The following DENND11 variants were observed in gnomAD, a reference collection of about 807,000 sequenced individuals.
The protein encoded by DENND11 is DENN domain-containing protein 11.
A neutral mutation model predicts 49.2 loss-of-function variants in DENND11; 34 were observed. The ratio of observed to expected loss-of-function variants is 0.69; its 90% CI spans 0.53 to 0.92. The LOEUF is 0.92. Ranked by LOEUF, DENND11 falls within the 40% of genes least tolerant of loss-of-function variation. The pLI, the probability that DENND11 is intolerant of heterozygous loss-of-function variation, is 0.00. For missense variants in DENND11, 475 were observed against 581.6 expected (o/e 0.82, Z 1.88); for synonymous variants, 238 against 230.3 (o/e 1.03, Z -0.30).
In DENND11 at chr7:141,667,457, G is replaced by A. The variant is rs189247754; in HGVS notation, c.682-1032C>T. 7.9e-5 allele frequency among the ~76,000 whole-genome samples: 12 copies of A among 152,244 alleles called. No individual in the cohort carries two copies. In the East Asian group the frequency reaches 1.7e-3, roughly 22 times the overall value. On this transcript the variant is annotated intron_variant, in intron 4 of 8. Transcript: ENST00000536163. The stretch of plus-strand genomic sequence containing the variant: ...ACCTACCTCGTAGGGTTACTTTAAG[G>A]ACCGCCTGAGACAAAACATGAAATA...
rs1018576843 is a variant in DENND11 at position 141,659,918 on chromosome 7, C to G, written c.*2738G>C. 5 of 152,216 alleles carry G rather than the reference C, an allele frequency of 3.3e-5. No individual in the cohort carries two copies. The highest frequency in any genetic ancestry group is 1.2e-4 in the African/African-American group (5 of 41,458). 9.4% of individuals were successfully genotyped at this position (152,216 alleles called of 1,614,324 possible). ...GCAGATGGTTTCTCAGAAAATATTT[C>G]AAGACTGGCAGAAAAGCAGGTCCAC... On this transcript the variant is annotated 3_prime_UTR_variant, in exon 9 of 9. Transcript: ENST00000536163.
At chr7:141,695,526 G>A (rs1362954230) in intron 1 of DENND11, among the ~76,000 whole-genome samples, 8 of 152,206 alleles carry the variant, frequency 5.3e-5, no homozygotes, top group Admixed American at 5.2e-4. Context: ...AATGGAAAGT[G>A]ATTTTGCATA....
chr7:141,677,200 C>T (rs916261736), intron 3 of DENND11, among the ~76,000 whole-genome samples: 20 of 151,732 alleles, frequency 1.3e-4, no homozygotes, highest in African/African-American at 4.4e-4. Context: ...CTGAGGTGGG[C>T]GGATCGCTTG....
chr7:141,664,852 G>C (rs945779255), intron 7 of DENND11, 52 bp downstream of exon 7: 5 of 1,557,010 alleles, frequency 3.2e-6, no homozygotes, highest in East Asian at 4.7e-5. Context: ...CCCCATGCTG[G>C]AGCTGCCCTG....
chr7:141,665,411 A>C, intron 5 of DENND11, 93 bp from the exon 6 acceptor site: 1 of 1,508,072 alleles, frequency 6.6e-7, no homozygotes, highest in Non-Finnish European at 9.0e-7. Flanking sequence ...GCTCCAGGCT[A>C]TCTGGTGCTT....
At chr7:141,673,981 A>T (rs1798024857) in intron 4 of DENND11, 86 bp downstream of exon 4, 2 of 1,453,964 alleles carry the variant, frequency 1.4e-6, no homozygotes, top group African/African-American at 2.9e-5. Flanking sequence ...AAAGACATAA[A>T]TTTTTTATTC....
rs1797798854 is a variant in DENND11 at position 141,661,774 on chromosome 7, A to G, written c.*882T>C. 1 of 152,240 alleles carries G rather than the reference A, an allele frequency of 6.6e-6. No homozygotes were observed. The highest frequency in any genetic ancestry group is 2.4e-5 in the African/African-American group (1 of 41,464). The allele number at this position is 152,240 out of a possible 1,614,324, so 9.4% of individuals were successfully genotyped here. On this transcript the variant is annotated 3_prime_UTR_variant, in exon 9 of 9. Transcript: ENST00000536163. ...GCTTCTCCATCCTGCTCGAACTTCA[A>G]TTGCTCTATCCTCCGGTAGTCCAAA...
At chr7:141,695,426 A>G (rs983367467) in intron 1 of DENND11, among the ~76,000 whole-genome samples, 2 of 152,242 alleles carry the variant, frequency 1.3e-5, no homozygotes, top group Admixed American at 1.3e-4. Context: ...CACCACACTA[A>G]TAGGGAATGA....
intron 8 of DENND11, 69 bp from the exon 9 acceptor site, chr7:141,662,920 T>C: frequency 1.7e-6 from 2 of 1,165,180 alleles, no homozygotes; most frequent in Non-Finnish European, 2.4e-6. Flanking sequence ...ATAATCCACA[T>C]ATGGGGAACC....
chr7:141,691,569 A>C (rs1229077780), intron 1 of DENND11, among the ~76,000 whole-genome samples: 1 of 152,220 alleles, frequency 6.6e-6, no homozygotes, highest in Non-Finnish European at 1.5e-5. Flanking sequence ...AGCGAATGAC[A>C]TACTGTTAGT....
chr7:141,664,379 ACTCAAAATCCCTGGGGTCCAG>A, intron 7 of DENND11, 139 bp from the exon 8 acceptor site: 1 of 644,894 alleles, frequency 1.6e-6, no homozygotes, highest in East Asian at 2.8e-5. Context: ...CAGGGTTTGG[ACTCAAAATCCCTGGGGTCCAG>A]GGCCAGTTCT....
In DENND11 at chr7:141,686,606, C is replaced by G; in HGVS notation, c.321G>C (p.Glu107Asp). 1 of 1,613,410 alleles carries G rather than the reference C, an allele frequency of 6.2e-7. No individual in the cohort carries two copies. Among genetic ancestry groups the G allele is most frequent in the Non-Finnish European group, 8.5e-7 (1 of 1,179,562 alleles). The stretch of plus-strand genomic sequence containing the variant: ...GGGACCCACTGGCCATAGACTTGAA[C>G]TCAACACCTTCAAGGTCAATATCTT... Reference protein sequence around the residue: ...LPQDIDLEGVEFKSMASGSHK... With the variant: ...LPQDIDLEGVDFKSMASGSHK... The change falls in exon 2 of 9, where the codon GAG becomes GAC. Residue 107 changes from glutamate (E) to aspartate (D), a missense_variant. Glu to Asp is a conservative substitution (Grantham distance 45, BLOSUM62 2). Coordinates refer to ENST00000536163, the MANE Select transcript of DENND11 (RefSeq NM_001080392.2).
At chr7:141,700,543 G>A (rs1482567763) in intron 1 of DENND11, among the ~76,000 whole-genome samples, 1 of 151,714 alleles carries the variant, frequency 6.6e-6, no homozygotes, top group Non-Finnish European at 1.5e-5. Context: ...ACTACTTCAT[G>A]AAATGTCTAT....
intron 3 of DENND11, among the ~76,000 whole-genome samples, chr7:141,675,850 A>C (rs1798054591): frequency 6.6e-6 from 1 of 152,218 alleles, no homozygotes; most frequent in Admixed American, 6.5e-5. Context: ...GATAGCGCCA[A>C]TTTCAGGGCT....
At chr7:141,665,520 G>A (rs1016602289) in intron 5 of DENND11, among the ~76,000 whole-genome samples, 6 of 152,144 alleles carry the variant, frequency 3.9e-5, no homozygotes, top group African/African-American at 1.4e-4. Context: ...CGTCAACAAC[G>A]TGCTTCCCAA....
chr7:141,680,147 C>T (rs1798126654), intron 3 of DENND11, among the ~76,000 whole-genome samples: 1 of 152,138 alleles, frequency 6.6e-6, no homozygotes, highest in African/African-American at 2.4e-5. Flanking sequence ...GGACTGGAAA[C>T]AACCAAATGT....
In DENND11 at chr7:141,658,431, G is replaced by C. The variant is rs1015106427; in HGVS notation, c.*4225C>G. The C allele has an allele frequency of 1.3e-5, 2 of 152,138 alleles. No individual in the cohort carries two copies. Among genetic ancestry groups the C allele is most frequent in the African/African-American group, 4.8e-5 (2 of 41,426 alleles). 9.4% of individuals were successfully genotyped at this position (152,138 alleles called of 1,614,324 possible). On this transcript the variant is annotated 3_prime_UTR_variant, in exon 9 of 9. Transcript: ENST00000536163. ...CCTGAAATGAGAGGGGATGGGACTGGGGTCAGCAGGATTCTCACCTCGGTC... is the reference window on the plus strand; with the variant it reads ...CCTGAAATGAGAGGGGATGGGACTGCGGTCAGCAGGATTCTCACCTCGGTC...
intron 4 of DENND11, among the ~76,000 whole-genome samples, chr7:141,669,874 A>G (rs1291000528): frequency 7.0e-6 from 1 of 143,460 alleles, no homozygotes; most frequent in African/African-American, 2.6e-5. Flanking sequence ...CAGTGGCGCA[A>G]TCTCGGCTCA....
chr7:141,697,115 T>C (rs1454855522), intron 1 of DENND11, among the ~76,000 whole-genome samples: 1 of 152,192 alleles, frequency 6.6e-6, no homozygotes, highest in Non-Finnish European at 1.5e-5. Context: ...ACTTGGGCTC[T>C]GGCCCTAACT....
Sources: gnomAD v4.1 joint callset for allele counts (sites outside exome capture counted in the v4.1 genomes callset) on GRCh38, gnomAD v4.1.1 for gene constraint, MANE v1.5 for transcripts, NCBI Gene and HGNC (gene_info 2026-07-23, HGNC 2026-07-21) for gene names.